The following SUN1 variants were observed in gnomAD, a reference collection of about 807,000 sequenced individuals.
The protein encoded by SUN1 is Sad1 and UNC84 domain containing 1.
Under a neutral mutation model 103.2 loss-of-function variants are expected in SUN1, and 61 were observed. That is an observed-to-expected ratio of 0.59 (90% confidence interval 0.48 to 0.73). SUN1 has a LOEUF of 0.73. Among genes scored for constraint, SUN1 ranks in the 30% least tolerant of loss-of-function variants. SUN1 has a pLI of 0.00. For synonymous variants in SUN1, 490 were observed against 425.7 expected, an observed-to-expected ratio of 1.15 and a Z score of -1.86; for missense variants, 1,052 against 1,034.6, an observed-to-expected ratio of 1.02 and a Z score of -0.23.
rs147050303 is a variant in SUN1, at chr7:855,163, G to T, written c.1350+157G>T. On this transcript the variant is annotated intron_variant, in intron 11 of 18. Transcript: ENST00000401592. ...GAAACACTTGTTCTCTGGTGTGGCA[G>T]CGGCTCTGGGGCTCTAACATTGAAT... Among the ~76,000 whole-genome samples the T allele has an allele frequency of 2.1e-3, 325 of 152,362 alleles. 4 individuals are homozygous for T. Among genetic ancestry groups the T allele is most frequent in the African/African-American group, 7.2e-3 (300 of 41,580 alleles).
chr7:872,969 C>T (rs935083657), intron 18 of SUN1, among the ~76,000 whole-genome samples: 1 of 152,180 alleles, frequency 6.6e-6, no homozygotes, highest in African/African-American at 2.4e-5. Context: ...CGCCTGTAAT[C>T]CCAGCTACTC....
rs567895956 is a variant in SUN1, at chr7:867,860, G to A, written c.1981-1489G>A. On this transcript the variant is annotated intron_variant, in intron 16 of 18. Coordinates refer to ENST00000401592, the MANE Select transcript of SUN1 (RefSeq NM_001130965.3). The stretch of plus-strand genomic sequence containing the variant: ...CAGGGAGGTTGCTGTGGTGCCACAC[G>A]GTGGAATGTACCAGCATGCTGGGAA... Among the ~76,000 whole-genome samples the A allele has an allele frequency of 2.4e-4, 37 of 152,300 alleles. 1 individual carries two copies. Among genetic ancestry groups the A allele is most frequent in the Admixed American group, 5.2e-4 (8 of 15,308 alleles).
chr7:869,649 A>G, intron 17 of SUN1, 133 bp downstream of exon 17: 1 of 1,107,374 alleles, frequency 9.0e-7, no homozygotes, highest in Non-Finnish European at 1.3e-6. Flanking sequence ...TTCGGTGTTG[A>G]GGGGAACATT....
Position 874,590 on chromosome 7 carries a change from C to A in SUN1, c.*1259C>A, listed in dbSNP as rs772155443. On this transcript the variant is annotated 3_prime_UTR_variant, in exon 19 of 19. Coordinates refer to ENST00000401592, the MANE Select transcript of SUN1 (RefSeq NM_001130965.3). ...ACACTGATGTATGAAACTATTCATA[C>A]ATCAAGCAGCATTTTTTTCACTCTC... 3.2e-4 allele frequency: 49 copies of A among 152,434 alleles called. No homozygotes were observed. The highest frequency in any genetic ancestry group is 4.9e-4 in the Non-Finnish European group (33 of 68,040). 9.4% of individuals were successfully genotyped at this position (152,434 alleles called of 1,614,324 possible).
At chr7:838,677 C>T in intron 1 of SUN1, 121 bp from the exon 2 acceptor site, 7 of 1,024,940 alleles carry the variant, frequency 6.8e-6, no homozygotes, top group Non-Finnish European at 9.5e-6. Flanking sequence ...AGGTTGTCAC[C>T]CAGTAATAGT....
chr7:837,596 ACTTAATT>A (rs1203128998), intron 1 of SUN1, among the ~76,000 whole-genome samples: 1 of 152,204 alleles, frequency 6.6e-6, no homozygotes, highest in African/African-American at 2.4e-5. Context: ...TTGTTCTGTT[ACTTAATT>A]CTCTCTAATC....
intron 3 of SUN1, chr7:842,344 C>T (rs1028799149): frequency 1.7e-6 from 1 of 571,502 alleles, no homozygotes; most frequent in African/African-American, 1.9e-5. Flanking sequence ...CAGGACGCTC[C>T]TTGGAAGCTG....
chr7:842,339 C>T lies in SUN1; in HGVS notation c.451+209C>T, dbSNP rs569737788. 1.3e-4 allele frequency: 77 copies of T among 581,328 alleles called. 1 individual carries two copies. In the South Asian group the frequency reaches 1.5e-3, roughly 11 times the overall value. 36.0% of individuals were successfully genotyped at this position (581,328 alleles called of 1,614,324 possible). ...GGCTTGTCCTCAGACTTGATCAGGACGCTCCTTGGAAGCTGCTTCCATGTG... is the reference window on the plus strand; with the variant it reads ...GGCTTGTCCTCAGACTTGATCAGGATGCTCCTTGGAAGCTGCTTCCATGTG... On this transcript the variant is annotated intron_variant, in intron 3 of 18. Coordinates refer to ENST00000401592, the MANE Select transcript of SUN1 (RefSeq NM_001130965.3).
intron 1 of SUN1, among the ~76,000 whole-genome samples, chr7:838,013 TA>T (rs1805168906): frequency 6.6e-6 from 1 of 152,238 alleles, no homozygotes; most frequent in African/African-American, 2.4e-5. Flanking sequence ...ACCTCTTTCT[TA>T]AATTGTGTGT....
intron 5 of SUN1, among the ~76,000 whole-genome samples, chr7:846,217 T>C (rs1815547108): frequency 1.3e-5 from 2 of 151,892 alleles, no homozygotes; most frequent in South Asian, 4.2e-4. Context: ...CAAGCGATTC[T>C]CCTGCCTCAG....
intron 12 of SUN1, among the ~76,000 whole-genome samples, chr7:857,485 C>T (rs940091854): frequency 2.0e-5 from 3 of 152,158 alleles, no homozygotes; most frequent in Non-Finnish European, 2.9e-5. Flanking sequence ...AAGCATGAGC[C>T]ACCGCACCCA....
chr7:816,280 AC>A (rs542813986), upstream of SUN1: 457 of 91,948 alleles, frequency 5.0e-3, 8 homozygotes, highest in African/African-American at 0.029. Flanking sequence ...CCAGATGCAA[AC>A]CCCCCCCAGC....
At chr7:847,036 C>T (rs961008616) in intron 5 of SUN1, among the ~76,000 whole-genome samples, 2 of 152,206 alleles carry the variant, frequency 1.3e-5, no homozygotes, top group Non-Finnish European at 2.9e-5. Flanking sequence ...TAATAAATAG[C>T]AAAGGAGGAG....
intron 3 of SUN1, chr7:842,716 C>T: frequency 5.2e-6 from 1 of 193,266 alleles, no homozygotes. Flanking sequence ...AGCCGCTCAT[C>T]TGCATTCGGT....
chr7:826,072 C>G (rs890740750), intron 1 of SUN1, among the ~76,000 whole-genome samples: 11 of 152,034 alleles, frequency 7.2e-5, no homozygotes, highest in Admixed American at 7.2e-4. Flanking sequence ...GACCCTGTCT[C>G]TAAGAAAATA....
rs759605450 is a variant in SUN1, at chr7:873,181, A to G, written c.2242-34A>G. On this transcript the variant is annotated intron_variant, in intron 18 of 18. Transcript: ENST00000401592. ...TTGGACTTGGGGTTATTAATATGAA[A>G]TACATGTGTGTGTTTTTCCCACCTT... The G allele has an allele frequency of 2.5e-6, 4 of 1,589,508 alleles. No homozygotes were observed. The African/African-American group carries it at 4.0e-5, about 16-fold the overall frequency.
At chr7:839,271 T>A (rs1214670730) in intron 2 of SUN1, 1 of 334,736 alleles carries the variant, frequency 3.0e-6, no homozygotes, top group Non-Finnish European at 5.4e-6. Flanking sequence ...AGCACTCAGG[T>A]CTGGAAGCTT....
At chr7:817,354 G>T (rs961198284) in intron 1 of SUN1, 2 of 1,474,608 alleles carry the variant, frequency 1.4e-6, no homozygotes, top group East Asian at 4.9e-5. Flanking sequence ...CTGCCTGGAG[G>T]CGCGCGCGTG....
Position 873,414 on chromosome 7 carries a change from T to C in SUN1, c.*83T>C. The C allele has an allele frequency of 4.8e-6, 6 of 1,253,286 alleles. No individual in the cohort carries two copies. Among genetic ancestry groups the C allele is most frequent in the Non-Finnish European group, 5.8e-6 (5 of 859,930 alleles). 77.6% of individuals were successfully genotyped at this position (1,253,286 alleles called of 1,614,324 possible). A position where few individuals can be genotyped will look rare whatever the true frequency, so the allele number is the denominator to read the frequency against. ...GGAATCCTTCATGGACGAGGGCATA[T>C]ACAATGATGGGACAGTGCCACACTC... On this transcript the variant is annotated 3_prime_UTR_variant, in exon 19 of 19. Transcript: ENST00000401592.
Sources: allele counts gnomAD v4.1 joint callset (sites outside exome capture counted in the v4.1 genomes callset), GRCh38; gene constraint gnomAD v4.1.1; transcripts MANE v1.5; gene names NCBI Gene and HGNC (gene_info 2026-07-23, HGNC 2026-07-21).